Variants in ZBTB38 observed in about 807,000 individuals in gnomAD.
The protein encoded by ZBTB38 is zinc finger and BTB domain containing 38, also known as zinc finger and BTB domain-containing protein 38.
A neutral mutation model predicts 76.8 loss-of-function variants in ZBTB38; 20 were observed. That is an observed-to-expected ratio of 0.26 (90% CI 0.18 to 0.38). ZBTB38 has a LOEUF of 0.38. ZBTB38 is among the 10% of genes least tolerant of loss of function. The pLI is 1.00. For synonymous variants in ZBTB38, 504 were observed against 544.2 expected, an observed-to-expected ratio of 0.93 and a Z score of 1.03; for missense variants, 1,082 against 1,482.3, an observed-to-expected ratio of 0.73 and a Z score of 4.43.
At chr3:141,417,710 A>T (rs933335710) in intron 5 of ZBTB38, among the ~76,000 whole-genome samples, 6 of 152,178 alleles carry the variant, frequency 3.9e-5, no homozygotes, top group African/African-American at 1.4e-4. Context: ...CAAGTTGTAC[A>T]TAGAGAGCTT....
chr3:141,406,252 T>C (rs908910124), intron 5 of ZBTB38, among the ~76,000 whole-genome samples: 9 of 152,012 alleles, frequency 5.9e-5, no homozygotes, highest in African/African-American at 1.9e-4. Context: ...TGTGAGTAGC[T>C]TGGGGGGAGA....
chr3:141,358,671 A>T (rs1000813264), intron 1 of ZBTB38, among the ~76,000 whole-genome samples: 1 of 152,180 alleles, frequency 6.6e-6, no homozygotes, highest in Non-Finnish European at 1.5e-5. Flanking sequence ...CACTTTTAGG[A>T]AATTTTCATC....
rs192015748 is a variant in ZBTB38 at position 141,395,609 on chromosome 3, A to G, written c.-105-8318A>G. Among the ~76,000 whole-genome samples, 250 of 152,314 alleles carry G rather than the reference A, an allele frequency of 1.6e-3. 2 individuals are homozygous for G. Among genetic ancestry groups the G allele is most frequent in the Non-Finnish European group, 5.9e-4 (40 of 68,028 alleles). On this transcript the variant is annotated intron_variant, in intron 4 of 5. Coordinates refer to ENST00000321464, the MANE Select transcript of ZBTB38 (RefSeq NM_001376113.1). ...CAAAATACAATAATATATAATATTA[A>G]GTATAGTAATAATGATATACTATCA...
At chr3:141,337,421 C>A (rs555214593) in intron 1 of ZBTB38, among the ~76,000 whole-genome samples, 1 of 152,210 alleles carries the variant, frequency 6.6e-6, no homozygotes, top group Non-Finnish European at 1.5e-5. Flanking sequence ...GGTCACAGGA[C>A]CAAATTAGAC....
chr3:141,426,512 T>A (rs992195462), intron 5 of ZBTB38, among the ~76,000 whole-genome samples: 19 of 152,044 alleles, frequency 1.2e-4, no homozygotes, highest in Admixed American at 1.2e-3. Flanking sequence ...TAGCTCCTTA[T>A]GAGAGGAGGA....
intron 4 of ZBTB38, chr3:141,388,152 C>CA (rs1359664353): frequency 2.6e-5 from 4 of 151,680 alleles, no homozygotes; most frequent in African/African-American, 9.7e-5. Flanking sequence ...TGCCATTAGA[C>CA]AACAAAAGAA....
chr3:141,440,591 C>T (rs2079902754), intron 5 of ZBTB38, among the ~76,000 whole-genome samples: 2 of 152,188 alleles, frequency 1.3e-5, no homozygotes, highest in Admixed American at 1.3e-4. Flanking sequence ...CAGAATAGCA[C>T]AGAGAGACTG....
At chr3:141,340,958 G>GAAAAGAAAAGA (rs759769152) in intron 1 of ZBTB38, among the ~76,000 whole-genome samples, 70 of 62,376 alleles carry the variant, frequency 1.1e-3, no homozygotes, top group Middle Eastern at 6.3e-3. Flanking sequence ...AGGAAAGAAA[G>GAAAAGAAAAGA]AAAGAAAGAA....
At chr3:141,349,896 A>G (rs1347477070) in intron 1 of ZBTB38, among the ~76,000 whole-genome samples, 2 of 152,210 alleles carry the variant, frequency 1.3e-5, no homozygotes, top group Admixed American at 1.3e-4. Flanking sequence ...ATGCAATGAA[A>G]AAAGAAAAAT....
At chr3:141,354,888 T>C (rs1943617780) in intron 1 of ZBTB38, among the ~76,000 whole-genome samples, 1 of 152,082 alleles carries the variant, frequency 6.6e-6, no homozygotes, top group African/African-American at 2.4e-5. Context: ...GTAACCAAGA[T>C]GGAGGGTCTA....
Position 141,446,295 on chromosome 3 carries a change from CTAA to C in ZBTB38, c.*324_*326del, listed in dbSNP as rs1180458640. The stretch of plus-strand genomic sequence containing the variant: ...TAATTTTAGCCTAGTTTAAAACTTT[CTAA>C]TAATTGCTAATAAGAACTGGCTGCT... On this transcript the variant is annotated 3_prime_UTR_variant, in exon 6 of 6. Transcript: ENST00000321464. 5.2e-6 allele frequency: 1 copy of C among 191,312 alleles called. No homozygotes were observed. Among genetic ancestry groups the C allele is most frequent in the East Asian group, 1.4e-4 (1 of 7,344 alleles). 11.9% of individuals were successfully genotyped at this position (191,312 alleles called of 1,614,324 possible).
chr3:141,347,183 C>T (rs1943388305), intron 1 of ZBTB38, among the ~76,000 whole-genome samples: 1 of 152,198 alleles, frequency 6.6e-6, no homozygotes, highest in Non-Finnish European at 1.5e-5. Flanking sequence ...AGTTGTGCAT[C>T]TTAGACTCTA....
intron 1 of ZBTB38, among the ~76,000 whole-genome samples, chr3:141,342,250 G>A (rs1465069995): frequency 3.3e-5 from 5 of 152,050 alleles, no homozygotes; most frequent in Middle Eastern, 3.4e-3. Context: ...GCTTGAACCC[G>A]GGAGGCAGAG....
intron 5 of ZBTB38, among the ~76,000 whole-genome samples, chr3:141,440,296 T>C (rs1484884944): frequency 6.6e-6 from 1 of 152,242 alleles, no homozygotes; most frequent in Non-Finnish European, 1.5e-5. Context: ...ATTATCTGAA[T>C]TGAAGAATTT....
intron 1 of ZBTB38, among the ~76,000 whole-genome samples, chr3:141,343,358 A>G (rs1943252514): frequency 6.6e-6 from 1 of 152,158 alleles, no homozygotes; most frequent in South Asian, 2.1e-4. Flanking sequence ...GGAGCAGGAC[A>G]GTAGTATCAT....
chr3:141,415,173 C>G (rs367879261), intron 5 of ZBTB38, among the ~76,000 whole-genome samples: 115 of 152,216 alleles, frequency 7.6e-4, no homozygotes, highest in African/African-American at 2.8e-3. Context: ...CCATCTCCAC[C>G]CTGACATAGA....
chr3:141,378,787 C>G (rs183486244), intron 2 of ZBTB38, among the ~76,000 whole-genome samples: 1 of 152,278 alleles, frequency 6.6e-6, no homozygotes, highest in Non-Finnish European at 1.5e-5. Flanking sequence ...CTCAAGTATG[C>G]CAGCAATGAA....
At chr3:141,440,698 A>G (rs764098192) in intron 5 of ZBTB38, among the ~76,000 whole-genome samples, 1 of 152,132 alleles carries the variant, frequency 6.6e-6, no homozygotes, top group African/African-American at 2.4e-5. Context: ...GCATGTGGTG[A>G]TCTATTACTG....
At chr3:141,392,877 C>G (rs566570981) in intron 4 of ZBTB38, 1 of 152,350 alleles carries the variant, frequency 6.6e-6, no homozygotes, top group Admixed American at 6.5e-5. Flanking sequence ...GCAGGTAAAT[C>G]AGAGACCAGT....
Sources: allele counts gnomAD v4.1 joint callset (sites outside exome capture counted in the v4.1 genomes callset), GRCh38; gene constraint gnomAD v4.1.1; transcripts MANE v1.5; gene names NCBI Gene and HGNC (gene_info 2026-07-23, HGNC 2026-07-21).